The following SCAI variants were observed in gnomAD, a reference collection of about 807,000 sequenced individuals.
SCAI encodes the protein protein SCAI.
Under a neutral mutation model 92.2 loss-of-function variants are expected in SCAI, and 24 were observed. The observed-to-expected ratio is 0.26, with a 90% confidence interval of 0.19 to 0.37. SCAI has a LOEUF of 0.37. SCAI is among the 10% of genes least tolerant of loss of function. SCAI has a pLI of 1.00. For synonymous variants in SCAI, 261 were observed against 258.6 expected, an observed-to-expected ratio of 1.01 and a Z score of -0.09; for missense variants, 450 against 736.2, an observed-to-expected ratio of 0.61 and a Z score of 4.50.
In SCAI at chr9:124,992,396, T is replaced by TG. The variant is rs562384330; in HGVS notation, c.1326+2537_1326+2538insC. 1.1e-3 allele frequency among the ~76,000 whole-genome samples: 163 copies of TG among 152,104 alleles called. 3 individuals are homozygous for TG. The East Asian group carries it at 0.013, about 12-fold the overall frequency. ...GTTCTCTTTTCATTTCTTTTTTTTT[T>TG]TTGTTGAGACAGAATCTCACTCTGT... On this transcript the variant is annotated intron_variant, in intron 14 of 17. Coordinates refer to ENST00000336505, the MANE Select transcript of SCAI (RefSeq NM_001144877.3).
intron 14 of SCAI, among the ~76,000 whole-genome samples, chr9:124,981,863 T>C (rs1002797980): frequency 6.6e-6 from 1 of 151,966 alleles, no homozygotes; most frequent in Non-Finnish European, 1.5e-5. Flanking sequence ...CAGGCTAGTC[T>C]TGAACTCTTG....
At chr9:125,012,482 G>T (rs1022498740) in intron 9 of SCAI, among the ~76,000 whole-genome samples, 47 of 152,166 alleles carry the variant, frequency 3.1e-4, no homozygotes, top group African/African-American at 9.9e-4. Context: ...GAGCTAACTA[G>T]CCTAAATATA....
At chr9:125,088,746 A>G (rs1834371131) in intron 2 of SCAI, among the ~76,000 whole-genome samples, 2 of 152,150 alleles carry the variant, frequency 1.3e-5, no homozygotes, top group Admixed American at 1.3e-4. Context: ...GCAAAGTTCT[A>G]GGATTACAGG....
intron 4 of SCAI, among the ~76,000 whole-genome samples, 198 bp downstream of exon 4, chr9:125,029,446 T>C (rs1253538592): frequency 1.3e-5 from 2 of 152,088 alleles, no homozygotes; most frequent in African/African-American, 2.4e-5. Flanking sequence ...CTTAAATAAA[T>C]AGGAAAGAAA....
intron 10 of SCAI, 79 bp from the exon 11 acceptor site, chr9:125,003,294 C>T (rs1832403634): frequency 8.5e-7 from 1 of 1,175,732 alleles, no homozygotes; most frequent in South Asian, 1.2e-5. Flanking sequence ...TTCACTAGCC[C>T]TTATCAAGGA....
At chr9:125,119,669 A>G (rs1835119032) in intron 2 of SCAI, among the ~76,000 whole-genome samples, 1 of 152,226 alleles carries the variant, frequency 6.6e-6, no homozygotes, top group Non-Finnish European at 1.5e-5. Context: ...TTAGTGGCTT[A>G]AAACAATCTT....
chr9:124,970,171 T>A (rs1409113380), intron 17 of SCAI, among the ~76,000 whole-genome samples: 1 of 152,052 alleles, frequency 6.6e-6, no homozygotes, highest in Admixed American at 6.6e-5. Flanking sequence ...TATATAATAA[T>A]AAAAACTTGG....
At chr9:125,142,702 T>C (rs929678243) in intron 1 of SCAI, 25 bp from the exon 2 acceptor site, 2 of 1,601,134 alleles carry the variant, frequency 1.2e-6, no homozygotes, top group African/African-American at 2.7e-5. Context: ...AATAAGACGG[T>C]AACTAAAAGT....
intron 2 of SCAI, among the ~76,000 whole-genome samples, chr9:125,057,360 CAGG>C (rs1833690690): frequency 1.3e-5 from 2 of 152,196 alleles, no homozygotes; most frequent in African/African-American, 2.4e-5. Context: ...ATAGCTTACA[CAGG>C]AGGAGAGAAA....
At chr9:125,061,728 C>T (rs1424500493) in intron 2 of SCAI, among the ~76,000 whole-genome samples, 1 of 151,640 alleles carries the variant, frequency 6.6e-6, no homozygotes, top group African/African-American at 2.4e-5. Context: ...TCACTGCACA[C>T]CACTGGAGGC....
Position 124,962,180 on chromosome 9 carries a change from G to A in SCAI, c.1674+9190C>T, listed in dbSNP as rs1465116657. On this transcript the variant is annotated intron_variant, in intron 17 of 17. Transcript: ENST00000336505. ...TTTTTTTTTTTTTTTTGCGGGGGGG[G>A]ATGGAGTCTTGCTCTGTCGCCCAGG... 2.3e-4 allele frequency among the ~76,000 whole-genome samples: 30 copies of A among 132,180 alleles called. 1 individual carries two copies. The South Asian group carries it at 6.6e-3, about 29-fold the overall frequency. The allele number at this position is 132,180 out of a possible 152,430, so 86.7% of individuals were successfully genotyped here.
chr9:125,143,357 A>C (rs1415303589), intron 1 of SCAI, 28 bp downstream of exon 1: 46 of 1,046,716 alleles, frequency 4.4e-5, no homozygotes, highest in East Asian at 2.2e-4. Flanking sequence ...CCCCATCCCC[A>C]ACCCCGGCCT....
chr9:124,968,521 G>T, intron 17 of SCAI: 1 of 860,500 alleles, frequency 1.2e-6, no homozygotes, highest in Non-Finnish European at 2.0e-6. Context: ...TCTCTACCCA[G>T]TTTACCAGTT....
chr9:124,982,423 G>C (rs377043584), intron 14 of SCAI, among the ~76,000 whole-genome samples: 6 of 152,102 alleles, frequency 3.9e-5, no homozygotes, highest in Admixed American at 6.6e-5. Flanking sequence ...TGTAATCGCA[G>C]CATTTTGGGA....
At chr9:125,013,588 T>C (rs1056766823) in intron 9 of SCAI, among the ~76,000 whole-genome samples, 4 of 152,216 alleles carry the variant, frequency 2.6e-5, no homozygotes, top group Non-Finnish European at 5.9e-5. Flanking sequence ...CACAGCCGAA[T>C]GCTACCAGAG....
At chr9:125,141,203 C>G (rs1012388017) in intron 2 of SCAI, among the ~76,000 whole-genome samples, 1 of 152,144 alleles carries the variant, frequency 6.6e-6, no homozygotes, top group Admixed American at 6.5e-5. Flanking sequence ...ATGCTAGATG[C>G]ATTTTGAGTG....
At chr9:125,057,829 C>G (rs984859284) in intron 2 of SCAI, among the ~76,000 whole-genome samples, 2 of 152,202 alleles carry the variant, frequency 1.3e-5, no homozygotes, top group Admixed American at 6.5e-5. Flanking sequence ...TGCAGTGGCT[C>G]ACGCCTGTAA....
intron 2 of SCAI, among the ~76,000 whole-genome samples, chr9:125,094,287 A>G (rs72765275): frequency 0.091 from 13,904 of 152,020 alleles, 854 homozygotes; most frequent in Non-Finnish European, 0.13. Flanking sequence ...TACTATTCTC[A>G]TTCATTCTAG....
chr9:124,974,002 T>C (rs1422681975), intron 15 of SCAI, among the ~76,000 whole-genome samples: 1 of 152,220 alleles, frequency 6.6e-6, no homozygotes, highest in Admixed American at 6.5e-5. Context: ...TTCCCTCGTC[T>C]TCATTGTGCT....
Sources: allele counts gnomAD v4.1 joint callset (sites outside exome capture counted in the v4.1 genomes callset), GRCh38; gene constraint gnomAD v4.1.1; transcripts MANE v1.5; gene names NCBI Gene and HGNC (gene_info 2026-07-23, HGNC 2026-07-21).